The following ANK2 variants were observed in gnomAD, a reference collection of about 807,000 sequenced individuals.
The protein encoded by ANK2 is ankyrin-2.
A neutral mutation model predicts 360.5 loss-of-function variants in ANK2; 83 were observed. The ratio of observed to expected loss-of-function variants is 0.23; its 90% CI spans 0.19 to 0.28. The LOEUF is 0.28. Among genes scored for constraint, ANK2 ranks in the 10% least tolerant of loss-of-function variants. ANK2 has a pLI of 1.00. For synonymous variants in ANK2, 1,740 were observed against 1,759.5 expected, an observed-to-expected ratio of 0.99 and a Z score of 0.28; for missense variants, 4,201 against 4,795.7, an observed-to-expected ratio of 0.88 and a Z score of 3.66.
chr4:113,346,594 T>G (rs1458951823), intron 35 of ANK2, among the ~76,000 whole-genome samples: 12 of 152,194 alleles, frequency 7.9e-5, no homozygotes, highest in Admixed American at 5.9e-4. Flanking sequence ...ACACCTGTAG[T>G]CCCAGCTACT....
At chr4:112,941,465 CTT>C (rs1355506065) in intron 2 of ANK2, among the ~76,000 whole-genome samples, 1 of 141,154 alleles carries the variant, frequency 7.1e-6, no homozygotes, top group Non-Finnish European at 1.5e-5. Flanking sequence ...ATAAATATAT[CTT>C]TATATATAGA....
intron 45 of ANK2, among the ~76,000 whole-genome samples, chr4:113,376,227 G>A (rs181470538): frequency 6.3e-4 from 96 of 152,268 alleles, no homozygotes; most frequent in African/African-American, 2.2e-3. Flanking sequence ...AGGTGGTATA[G>A]CCTACTATAC....
intron 17 of ANK2, among the ~76,000 whole-genome samples, chr4:113,282,042 AGTAATATTT>A (rs1208293680): frequency 2.0e-5 from 3 of 152,220 alleles, no homozygotes; most frequent in Non-Finnish European, 4.4e-5. Context: ...CTAGGCACTC[AGTAATATTT>A]GTTGAACCAG....
intron 1 of ANK2, among the ~76,000 whole-genome samples, chr4:113,169,169 G>T (rs1321107795): frequency 6.6e-6 from 1 of 152,174 alleles, no homozygotes; most frequent in East Asian, 1.9e-4. Flanking sequence ...CTGTCAGTGG[G>T]GTAAGCATGC....
chr4:113,355,375 A>G lies in ANK2; in HGVS notation c.6757A>G (p.Lys2253Glu). 6.2e-7 allele frequency: 1 copy of G among 1,614,062 alleles called. No homozygotes were observed. Among genetic ancestry groups the G allele is most frequent in the Non-Finnish European group, 8.5e-7 (1 of 1,179,972 alleles). The stretch of plus-strand genomic sequence containing the variant: ...AGAAAGCCTTTCTTTCTCACCAAAG[A>G]AAAGTGAGGAGCAAACTGGGGAAAC... ...SPESLSFSPK[K>E]SEEQTGETKE... The change falls in exon 38 of 46, where the codon AAA becomes GAA. Residue 2253 changes from lysine to glutamate, a missense_variant. Lys to Glu is a moderately conservative substitution (Grantham distance 56). Transcript: ENST00000357077.
At chr4:113,308,376 G>C (rs920881351) in intron 23 of ANK2, among the ~76,000 whole-genome samples, 2 of 152,192 alleles carry the variant, frequency 1.3e-5, no homozygotes, top group Non-Finnish European at 2.9e-5. Flanking sequence ...AGAAAATTTA[G>C]GTGGAGAAGT....
chr4:113,278,486 T>A lies in ANK2; in HGVS notation c.1809T>A (p.Ala603=). The part of the protein sequence containing the change: ...GKNGLTPLHV[A]AHYDNQKVAL... Reference sequence around the variant, plus strand: ...ACGGCCTTACCCCGCTCCATGTTGCTGCTCATTATGACAACCAGAAGGTGG... The same window carrying A: ...ACGGCCTTACCCCGCTCCATGTTGCAGCTCATTATGACAACCAGAAGGTGG... The change falls in exon 17 of 46, where the codon GCT becomes GCA. Residue 603 remains alanine, a synonymous_variant. Transcript: ENST00000357077. The A allele has an allele frequency of 6.2e-7, 1 of 1,614,040 alleles. No individual in the cohort carries two copies. Among genetic ancestry groups the A allele is most frequent in the South Asian group, 1.1e-5 (1 of 91,076 alleles).
intron 4 of ANK2, among the ~76,000 whole-genome samples, chr4:113,207,329 G>A (rs115241685): frequency 0.012 from 1,854 of 152,144 alleles, 38 homozygotes; most frequent in African/African-American, 0.042. Context: ...TAAAATCTTC[G>A]GTAGATGTCT....
intron 3 of ANK2, 108 bp from the exon 4 acceptor site, chr4:113,198,903 A>G (rs1020485700): frequency 5.3e-6 from 5 of 940,280 alleles, no homozygotes; most frequent in Non-Finnish European, 8.4e-6. Flanking sequence ...ATAAATAACA[A>G]ATTTTAATCG....
chr4:112,839,531 G>A (rs1388125581), intron 1 of ANK2, among the ~76,000 whole-genome samples: 4 of 152,094 alleles, frequency 2.6e-5, no homozygotes, highest in South Asian at 2.1e-4. Flanking sequence ...TGACAAATTC[G>A]AATGGTTTTC....
chr4:112,826,822 A>G (rs1441066900), intron 1 of ANK2: 1 of 1,240,148 alleles, frequency 8.1e-7, no homozygotes, highest in Non-Finnish European at 1.2e-6. Context: ...CAAAAAAATA[A>G]AGTAAAAGAG....
intron 2 of ANK2, among the ~76,000 whole-genome samples, chr4:112,978,111 G>A (rs779581575): frequency 6.6e-6 from 1 of 152,006 alleles, no homozygotes; most frequent in African/African-American, 2.4e-5. Context: ...GGGTATGGTG[G>A]TGAGTCCCTG....
chr4:113,188,586 C>G (rs1486297811), intron 2 of ANK2, among the ~76,000 whole-genome samples: 2 of 152,010 alleles, frequency 1.3e-5, no homozygotes, highest in East Asian at 3.9e-4. Flanking sequence ...TGATCAAGAA[C>G]AAAAAATTAC....
chr4:113,183,501 A>G (rs927917139), intron 2 of ANK2, among the ~76,000 whole-genome samples: 1 of 152,192 alleles, frequency 6.6e-6, no homozygotes, highest in Non-Finnish European at 1.5e-5. Flanking sequence ...CTGAGGATGC[A>G]TATAAGGTAA....
At chr4:113,231,060 C>CT (rs796655737) in intron 4 of ANK2, among the ~76,000 whole-genome samples, 56 of 114,132 alleles carry the variant, frequency 4.9e-4, no homozygotes, top group African/African-American at 1.2e-3. Flanking sequence ...TTTTTTTTTT[C>CT]TTTTTTTTTG....
At chr4:112,780,835 A>G in the ANK2 span, among the ~76,000 whole-genome samples, 3 of 152,100 alleles carry the variant, frequency 2.0e-5, no homozygotes, top group African/African-American at 7.2e-5. Context: ...ATCATCTCCC[A>G]CTGTCTCTCC....
At chr4:113,276,830 T>A (rs2060421223) in intron 15 of ANK2, among the ~76,000 whole-genome samples, 1 of 152,170 alleles carries the variant, frequency 6.6e-6, no homozygotes, top group Non-Finnish European at 1.5e-5. Context: ...GATGGGGGCT[T>A]AAATGGTTCC....
Position 113,278,490 on chromosome 4 carries a change from CATT to C in ANK2, c.1816_1818del (p.Tyr606del), listed in dbSNP as rs2061067584. ...CCTTACCCCGCTCCATGTTGCTGCT[CATT>C]ATGACAACCAGAAGGTGGCGCTGCT... On this transcript the variant is annotated inframe_deletion, in exon 17 of 46. Coordinates refer to ENST00000357077, the MANE Select transcript of ANK2 (RefSeq NM_001148.6). 1 of 1,613,854 alleles carries C rather than the reference CATT, an allele frequency of 6.2e-7. No homozygotes were observed. Among genetic ancestry groups the C allele is most frequent in the Non-Finnish European group, 8.5e-7 (1 of 1,179,982 alleles).
chr4:113,365,847 A>T (rs1304216566), intron 41 of ANK2, among the ~76,000 whole-genome samples: 2 of 152,140 alleles, frequency 1.3e-5, no homozygotes, highest in Non-Finnish European at 2.9e-5. Context: ...GAATCTACCA[A>T]CATGAGTGCA....
Sources: allele counts gnomAD v4.1 joint callset (sites outside exome capture counted in the v4.1 genomes callset), GRCh38; gene constraint gnomAD v4.1.1; transcripts MANE v1.5; gene names NCBI Gene and HGNC (gene_info 2026-07-23, HGNC 2026-07-21).